Variants in GRID1 observed in about 807,000 individuals in gnomAD.
The protein encoded by GRID1 is glutamate ionotropic receptor delta type subunit 1.
GRID1 carries 28 observed loss-of-function variants against 98.0 expected under a neutral mutation model. The ratio of observed to expected loss-of-function variants is 0.29; its 90% CI spans 0.21 to 0.39. The LOEUF is 0.39. GRID1 is among the 10% of genes least tolerant of loss of function. The pLI, the probability that GRID1 is intolerant of heterozygous loss-of-function variation, is 1.00. For missense variants in GRID1, 1,111 were observed against 1,340.5 expected (o/e 0.83, Z 2.67); for synonymous variants, 553 against 538.5 (o/e 1.03, Z -0.37).
intron 2 of GRID1, among the ~76,000 whole-genome samples, chr10:86,208,879 A>G (rs188160539): frequency 1.5e-3 from 222 of 152,304 alleles, no homozygotes; most frequent in African/African-American, 5.0e-3. Context: ...TAGGAACAGC[A>G]CTCAATCCAA....
At chr10:86,245,170 A>G (rs2814346) in intron 2 of GRID1, among the ~76,000 whole-genome samples, 130,333 of 152,274 alleles carry the variant, frequency 0.86, 56,486 homozygotes, top group African/African-American at 0.92. Context: ...AGCTCCCAAT[A>G]CCTGGAAACT....
At chr10:85,718,321 G>T (rs1320911390) in intron 12 of GRID1, among the ~76,000 whole-genome samples, 1 of 151,990 alleles carries the variant, frequency 6.6e-6, no homozygotes, top group East Asian at 1.9e-4. Flanking sequence ...CTGAAATCTA[G>T]GCAAAGGTTC....
chr10:85,847,237 G>A (rs1277483464), intron 8 of GRID1, among the ~76,000 whole-genome samples: 1 of 152,164 alleles, frequency 6.6e-6, no homozygotes, highest in Non-Finnish European at 1.5e-5. Flanking sequence ...ATGACAGTTT[G>A]AACTGCCATA....
At chr10:85,959,678 G>A (rs76607261) in intron 4 of GRID1, among the ~76,000 whole-genome samples, 1 of 152,142 alleles carries the variant, frequency 6.6e-6, no homozygotes, top group Non-Finnish European at 1.5e-5. Context: ...ATGTTTTTGA[G>A]ATTCATCTTT....
intron 4 of GRID1, among the ~76,000 whole-genome samples, chr10:86,119,196 A>G (rs1300587045): frequency 6.6e-6 from 1 of 152,206 alleles, no homozygotes; most frequent in East Asian, 1.9e-4. Flanking sequence ...TTATCCGGGC[A>G]TGGTGGTGTG....
intron 3 of GRID1, among the ~76,000 whole-genome samples, chr10:86,146,216 C>G (rs1845087292): frequency 6.6e-6 from 1 of 152,154 alleles, no homozygotes; most frequent in African/African-American, 2.4e-5. Context: ...AGAAGAAATT[C>G]ACAGTTAAAA....
intron 6 of GRID1, 115 bp downstream of exon 6, chr10:85,868,895 G>A: frequency 1.2e-6 from 1 of 808,980 alleles, no homozygotes; most frequent in Non-Finnish European, 2.0e-6. Context: ...ACAAATGACA[G>A]AGCTCTAGTA....
At chr10:85,939,556 A>G (rs1007110456) in intron 4 of GRID1, among the ~76,000 whole-genome samples, 1 of 152,040 alleles carries the variant, frequency 6.6e-6, no homozygotes, top group Non-Finnish European at 1.5e-5. Flanking sequence ...ATCAGCAGCA[A>G]CACGTCTTTC....
At chr10:85,847,082 AC>A (rs1843013387) in intron 8 of GRID1, among the ~76,000 whole-genome samples, 1 of 152,210 alleles carries the variant, frequency 6.6e-6, no homozygotes, top group African/African-American at 2.4e-5. Flanking sequence ...CTAGCAGGAA[AC>A]CCTCACCTGC....
chr10:86,166,382 A>T lies in GRID1; in HGVS notation c.521-27358T>A, dbSNP rs1027778825. 2.0e-5 allele frequency among the ~76,000 whole-genome samples: 3 copies of T among 152,220 alleles called. No individual in the cohort carries two copies. The East Asian group carries it at 5.8e-4, about 29-fold the overall frequency. The stretch of plus-strand genomic sequence containing the variant: ...AAATCAACCCCATCAAAAAGTGGGC[A>T]AAGGATATGAACAGACACTTCTCAA... On this transcript the variant is annotated intron_variant, in intron 3 of 15. Coordinates refer to ENST00000327946, the MANE Select transcript of GRID1 (RefSeq NM_017551.3).
chr10:86,136,707 G>T (rs946587459), intron 4 of GRID1, among the ~76,000 whole-genome samples: 2 of 152,158 alleles, frequency 1.3e-5, no homozygotes. Context: ...TGAAGACTAC[G>T]GTGGGAGCTG....
At chr10:86,198,492 G>T (rs1185822928) in intron 3 of GRID1, among the ~76,000 whole-genome samples, 1 of 152,162 alleles carries the variant, frequency 6.6e-6, no homozygotes, top group Non-Finnish European at 1.5e-5. Context: ...CTCCAGAGTA[G>T]TAAGTGTTAC....
At chr10:86,343,244 C>T (rs1323300816) in intron 2 of GRID1, among the ~76,000 whole-genome samples, 1 of 151,976 alleles carries the variant, frequency 6.6e-6, no homozygotes, top group East Asian at 1.9e-4. Flanking sequence ...TTCTGGATTT[C>T]TATATATAAA....
intron 12 of GRID1, among the ~76,000 whole-genome samples, chr10:85,699,093 C>T (rs1841425039): frequency 6.6e-6 from 1 of 151,888 alleles, no homozygotes; most frequent in South Asian, 2.1e-4. Context: ...CACTCTGTGG[C>T]CCAGGCTGGA....
At chr10:85,783,869 G>A (rs72841486) in intron 8 of GRID1, among the ~76,000 whole-genome samples, 2 of 152,336 alleles carry the variant, frequency 1.3e-5, no homozygotes, top group Non-Finnish European at 2.9e-5. Context: ...AGTACCCAGA[G>A]AAGAGCATTC....
In GRID1 at chr10:85,975,007, C is replaced by T. The variant is rs998763691; in HGVS notation, c.727-58768G>A. 6.6e-5 allele frequency among the ~76,000 whole-genome samples: 10 copies of T among 152,174 alleles called. No homozygotes were observed. In the South Asian group the frequency reaches 1.4e-3, roughly 22 times the overall value. ...TTAAAGTTACACATCAACCTAATTG[C>T]CCTGCTTAAAATTCTGTGTTTCTCC... On this transcript the variant is annotated intron_variant, in intron 4 of 15. Transcript: ENST00000327946.
At chr10:86,114,263 A>C (rs940035047) in intron 4 of GRID1, among the ~76,000 whole-genome samples, 2 of 152,054 alleles carry the variant, frequency 1.3e-5, no homozygotes, top group Non-Finnish European at 2.9e-5. Context: ...TGGGGCCACC[A>C]TGTGGAGGCA....
intron 2 of GRID1, among the ~76,000 whole-genome samples, chr10:86,357,770 G>A (rs896400972): frequency 2.0e-5 from 3 of 152,160 alleles, no homozygotes; most frequent in South Asian, 4.1e-4. Flanking sequence ...ATCCAGAGAG[G>A]GGACCCAGGG....
At chr10:86,042,439 T>C (rs2131899809) in intron 4 of GRID1, among the ~76,000 whole-genome samples, 1 of 152,218 alleles carries the variant, frequency 6.6e-6, no homozygotes, top group Non-Finnish European at 1.5e-5. Flanking sequence ...AAGAGGGGCT[T>C]CACCAGGAGA....
Sources: gnomAD v4.1 joint callset for allele counts (sites outside exome capture counted in the v4.1 genomes callset) on GRCh38, gnomAD v4.1.1 for gene constraint, MANE v1.5 for transcripts, NCBI Gene and HGNC (gene_info 2026-07-23, HGNC 2026-07-21) for gene names.